Variants in RALB observed in about 807,000 individuals in gnomAD.
RALB encodes RAS like proto-oncogene B.
In RALB, 16 loss-of-function variants were observed where a neutral mutation model predicts 21.3. That is an observed-to-expected ratio of 0.75 (90% CI 0.51 to 1.14). RALB has a LOEUF of 1.14. Ranked by LOEUF, RALB falls within the 50% of genes most tolerant of loss-of-function variation. The pLI, the probability that RALB is intolerant of heterozygous loss-of-function variation, is 0.00. For synonymous variants in RALB, 93 were observed against 96.1 expected (o/e 0.97, Z 0.19); for missense variants, 161 against 256.2 (o/e 0.63, Z 2.54).
intron 1 of RALB, among the ~76,000 whole-genome samples, chr2:120,262,642 G>A (rs1306291279): frequency 6.6e-6 from 1 of 152,144 alleles, no homozygotes; most frequent in Non-Finnish European, 1.5e-5. Flanking sequence ...TGGGGAGGTG[G>A]CAGCTTCCTT....
At chr2:120,281,573 G>C (rs1321622534) in intron 2 of RALB, among the ~76,000 whole-genome samples, 1 of 152,134 alleles carries the variant, frequency 6.6e-6, no homozygotes, top group African/African-American at 2.4e-5. Context: ...CCTGGGTCAT[G>C]CTCCCCATGT....
At chr2:120,260,282 G>A (rs1689328312) in intron 1 of RALB, among the ~76,000 whole-genome samples, 1 of 152,252 alleles carries the variant, frequency 6.6e-6, no homozygotes, top group South Asian at 2.1e-4. Context: ...AGCAAGCGAG[G>A]GCTCTGAGGA....
At chr2:120,279,045 A>G (rs372858435) in intron 2 of RALB, among the ~76,000 whole-genome samples, 1 of 152,240 alleles carries the variant, frequency 6.6e-6, no homozygotes, top group East Asian at 1.9e-4. Context: ...TTTCTTTCTG[A>G]CAAAAGCCCA....
chr2:120,253,408 T>A, intron 1 of RALB: 1 of 985,622 alleles, frequency 1.0e-6, no homozygotes. Flanking sequence ...GCACGCGCCG[T>A]GAACTGGGCG....
upstream of RALB, among the ~76,000 whole-genome samples, chr2:120,248,990 C>T (rs900911713): frequency 1.3e-5 from 2 of 151,806 alleles, no homozygotes; most frequent in African/African-American, 4.8e-5. Context: ...TTTTTAAAAC[C>T]AAAATCAAAG....
chr2:120,289,493 G>T, intron 3 of RALB, 87 bp from the exon 4 acceptor site: 1 of 1,382,054 alleles, frequency 7.2e-7, no homozygotes, highest in East Asian at 2.3e-5. Context: ...TCTGCCTTAG[G>T]AAAGCCTTTT....
intron 4 of RALB, among the ~76,000 whole-genome samples, chr2:120,290,596 T>C (rs997124424): frequency 6.6e-6 from 1 of 151,710 alleles, no homozygotes; most frequent in Non-Finnish European, 1.5e-5. Context: ...AGTCTCTAAA[T>C]AGTATTTGCT....
rs1472885272 is a variant in RALB at position 120,274,730 on chromosome 2, AC to A, written c.-47-3887del. Among the ~76,000 whole-genome samples the A allele has an allele frequency of 8.5e-5, 13 of 152,314 alleles. No individual in the cohort carries two copies. In the South Asian group the frequency reaches 2.3e-3, roughly 27 times the overall value. On this transcript the variant is annotated intron_variant, in intron 1 of 4. Coordinates refer to ENST00000272519, the MANE Select transcript of RALB (RefSeq NM_002881.3). ...CTATGAGCATCGTTACTTTTAAAATACTTAAAAAGTATTTTAAGCATTCAGA... is the reference window on the plus strand; with the variant it reads ...CTATGAGCATCGTTACTTTTAAAATATTAAAAAGTATTTTAAGCATTCAGA...
chr2:120,291,947 G>A (rs1690314979), intron 4 of RALB, among the ~76,000 whole-genome samples: 2 of 152,134 alleles, frequency 1.3e-5, no homozygotes, highest in African/African-American at 4.8e-5. Flanking sequence ...TTGTGGTTTT[G>A]TGTGAATGTC....
intron 1 of RALB, among the ~76,000 whole-genome samples, chr2:120,269,882 CTTA>C (rs1181950447): frequency 9.2e-5 from 14 of 152,148 alleles, no homozygotes; most frequent in Non-Finnish European, 2.1e-4. Context: ...TTAGTAGTTG[CTTA>C]TTTTTTCCCA....
In RALB at chr2:120,283,016, C is replaced by G. The variant is rs116528225; in HGVS notation, c.115-2858C>G. On this transcript the variant is annotated intron_variant, in intron 2 of 4. Transcript: ENST00000272519. ...GCTGATTATAGAATTTCCTGGGAGACTTTAAAAAAAAAAAACACCTCCTGA... is the reference window on the plus strand; with the variant it reads ...GCTGATTATAGAATTTCCTGGGAGAGTTTAAAAAAAAAAAACACCTCCTGA... Among the ~76,000 whole-genome samples, 158 of 150,996 alleles carry G rather than the reference C, an allele frequency of 1.0e-3. 1 individual carries two copies. The highest frequency in any genetic ancestry group is 3.7e-3 in the African/African-American group (151 of 41,102).
chr2:120,244,480 C>T (rs962624322), intron 1 of RALB, among the ~76,000 whole-genome samples: 1 of 152,230 alleles, frequency 6.6e-6, no homozygotes, highest in African/African-American at 2.4e-5. Flanking sequence ...CAGCGGGAGA[C>T]TGGCACTGTC....
rs146447520 is a variant in RALB at position 120,254,792 on chromosome 2, C to T, written c.-48+1812C>T. On this transcript the variant is annotated intron_variant, in intron 1 of 4. Coordinates refer to ENST00000272519, the MANE Select transcript of RALB (RefSeq NM_002881.3). ...TCCCAGGCTCAGGTGAGTCTCCCAC[C>T]TCAGCCTCCCGAGTAGCTTGGTACA... 3.3e-5 allele frequency among the ~76,000 whole-genome samples: 5 copies of T among 152,276 alleles called. No homozygotes were observed. In the East Asian group the frequency reaches 5.8e-4, roughly 18 times the overall value.
At chr2:120,265,719 C>T (rs543613890) in intron 1 of RALB, among the ~76,000 whole-genome samples, 97 of 152,346 alleles carry the variant, frequency 6.4e-4, no homozygotes, top group African/African-American at 2.3e-3. Flanking sequence ...TTAAGTGACC[C>T]TGGACAAATC....
Position 120,289,171 on chromosome 2 carries a change from G to T in RALB, c.324-409G>T, listed in dbSNP as rs138600445. 1.7e-3 allele frequency among the ~76,000 whole-genome samples: 258 copies of T among 152,150 alleles called. 2 individuals are homozygous for T. The highest frequency in any genetic ancestry group is 5.9e-3 in the African/African-American group (245 of 41,486). ...ATGTCACAAACAAATATTTTCAGGG[G>T]AATTAAGCATTTTATGGAGATAGTT... On this transcript the variant is annotated intron_variant, in intron 3 of 4. Coordinates refer to ENST00000272519, the MANE Select transcript of RALB (RefSeq NM_002881.3).
At chr2:120,291,257 C>G (rs1690297004) in intron 4 of RALB, among the ~76,000 whole-genome samples, 1 of 152,188 alleles carries the variant, frequency 6.6e-6, no homozygotes, top group African/African-American at 2.4e-5. Flanking sequence ...ATTGTACAAC[C>G]TAAGTCCGTT....
chr2:120,252,947 G>T lies in RALB; in HGVS notation c.-81G>T. ...GGCGCGTTTAAGAGCTGCGGGCCGG[G>T]TGCGGACGGCGGAGGCGGCGGGACT... On this transcript the variant is annotated 5_prime_UTR_variant, in exon 1 of 5. Transcript: ENST00000272519. 6.1e-6 allele frequency: 6 copies of T among 985,764 alleles called. No homozygotes were observed. Among genetic ancestry groups the T allele is most frequent in the Non-Finnish European group, 7.2e-6 (6 of 830,378 alleles). The allele number at this position is 985,764 out of a possible 1,614,324, so 61.1% of individuals were successfully genotyped here.
chr2:120,259,662 CAG>C (rs1689301418), intron 1 of RALB, among the ~76,000 whole-genome samples: 1 of 152,284 alleles, frequency 6.6e-6, no homozygotes, highest in African/African-American at 2.4e-5. Context: ...ACGTCCCCAC[CAG>C]ACTCAGGAGC....
chr2:120,286,428 C>G (rs965434311), intron 3 of RALB, among the ~76,000 whole-genome samples: 1 of 152,118 alleles, frequency 6.6e-6, no homozygotes, highest in Non-Finnish European at 1.5e-5. Context: ...AACCATCTAT[C>G]CTTTAAATAA....
Sources: gnomAD v4.1 joint callset for allele counts (sites outside exome capture counted in the v4.1 genomes callset) on GRCh38, gnomAD v4.1.1 for gene constraint, MANE v1.5 for transcripts, NCBI Gene and HGNC (gene_info 2026-07-23, HGNC 2026-07-21) for gene names.